UBASH3A: variants seen among roughly 807,000 people sequenced by gnomAD.
UBASH3A encodes the protein ubiquitin-associated and SH3 domain-containing protein A.
Under a neutral mutation model 73.5 loss-of-function variants are expected in UBASH3A, and 63 were observed. That is an observed-to-expected ratio of 0.86 (90% CI 0.70 to 1.06). The LOEUF (loss-of-function observed/expected upper bound fraction) is 1.06, where lower values mean the gene tolerates loss of function less well. UBASH3A is among the 50% of genes least tolerant of loss of function. The probability of loss-of-function intolerance (pLI) is 0.00; values close to 1 mark genes in which losing one functional copy is unlikely to be tolerated. For synonymous variants in UBASH3A, 363 were observed against 351.1 expected (o/e 1.03, Z -0.38); for missense variants, 860 against 859.0 (o/e 1.00, Z -0.02).
chr21:42,433,662 C>T (rs771516607), intron 9 of UBASH3A, among the ~76,000 whole-genome samples: 11 of 152,174 alleles, frequency 7.2e-5, no homozygotes, highest in Non-Finnish European at 1.2e-4. Flanking sequence ...ACTGCCTTTC[C>T]CAAGAGCTAA....
At chr21:42,434,312 C>T (rs1011668232) in intron 9 of UBASH3A, among the ~76,000 whole-genome samples, 4 of 151,420 alleles carry the variant, frequency 2.6e-5, no homozygotes, top group Admixed American at 6.6e-5. Flanking sequence ...AACCCTGGCA[C>T]CGGGCAGCCT....
chr21:42,421,427 A>C (rs2053336476), intron 7 of UBASH3A, among the ~76,000 whole-genome samples: 1 of 152,130 alleles, frequency 6.6e-6, no homozygotes, highest in South Asian at 2.1e-4. Context: ...AGGTCTTAAA[A>C]CCATTTTATA....
intron 7 of UBASH3A, 138 bp from the exon 8 acceptor site, chr21:42,426,559 C>T: frequency 1.1e-6 from 1 of 947,094 alleles, no homozygotes; most frequent in Non-Finnish European, 1.6e-6. Flanking sequence ...GCACACGCTA[C>T]TTCATTTTGT....
chr21:42,431,661 G>A (rs770852778), intron 8 of UBASH3A, among the ~76,000 whole-genome samples: 2 of 152,194 alleles, frequency 1.3e-5, no homozygotes, highest in Non-Finnish European at 2.9e-5. Flanking sequence ...TCAACACCAG[G>A]GCAGTCCTGG....
intron 8 of UBASH3A, among the ~76,000 whole-genome samples, chr21:42,427,685 G>A (rs994776624): frequency 1.3e-5 from 2 of 152,184 alleles, no homozygotes; most frequent in Admixed American, 1.3e-4. Context: ...TATGTGAGAT[G>A]GGCCATCCAG....
intron 11 of UBASH3A, among the ~76,000 whole-genome samples, chr21:42,440,890 T>G (rs1425462243): frequency 6.6e-6 from 1 of 152,278 alleles, no homozygotes; most frequent in Non-Finnish European, 1.5e-5. Context: ...ATCTTTTTTT[T>G]GTCATTGTTC....
chr21:42,420,540 TAC>T (rs1470527502), intron 7 of UBASH3A, among the ~76,000 whole-genome samples: 2 of 152,226 alleles, frequency 1.3e-5, no homozygotes, highest in Non-Finnish European at 2.9e-5. Flanking sequence ...TATATATGTA[TAC>T]ACACATCTAT....
In UBASH3A at chr21:42,413,587, C is replaced by A; in HGVS notation, c.667+64C>A. The A allele has an allele frequency of 8.1e-7, 1 of 1,241,228 alleles. No individual in the cohort carries two copies. Among genetic ancestry groups the A allele is most frequent in the Non-Finnish European group, 1.2e-6 (1 of 865,998 alleles). The allele number at this position is 1,241,228 out of a possible 1,614,324, so 76.9% of individuals were successfully genotyped here. A position where few individuals can be genotyped will look rare whatever the true frequency, so the allele number is the denominator to read the frequency against. ...CTCTTTAGGCGGGAATAGCCTTGTT[C>A]TCATTATGTGGTTTTTAAAATGCTT... On this transcript the variant is annotated intron_variant, in intron 5 of 14. Coordinates refer to ENST00000319294, the MANE Select transcript of UBASH3A (RefSeq NM_018961.4). This position sits in a 1 kb window ranked among gnomAD's most constrained non-coding sequence, Gnocchi z 4.5.
At chr21:42,443,939 CAGAG>C (rs1488981507) in intron 13 of UBASH3A, among the ~76,000 whole-genome samples, 1 of 152,188 alleles carries the variant, frequency 6.6e-6, no homozygotes. Context: ...ACAAAAGAGA[CAGAG>C]AGAGAAAGAA....
intron 7 of UBASH3A, among the ~76,000 whole-genome samples, chr21:42,421,736 G>A (rs184912577): frequency 6.6e-6 from 1 of 152,292 alleles, no homozygotes; most frequent in East Asian, 1.9e-4. Context: ...ATTGTCAGAG[G>A]CTATATGGAT....
intron 13 of UBASH3A, 24 bp downstream of exon 13, chr21:42,443,442 A>G: frequency 6.3e-7 from 1 of 1,578,710 alleles, no homozygotes; most frequent in Non-Finnish European, 8.6e-7. Flanking sequence ...CATCCTCAGT[A>G]TGAACAGCCC....
Position 42,403,912 on chromosome 21 carries a change from G to A in UBASH3A, c.-34G>A, listed in dbSNP as rs1479652012. The A allele has an allele frequency of 8.9e-6, 12 of 1,348,094 alleles. No individual in the cohort carries two copies. The highest frequency in any genetic ancestry group is 1.2e-5 in the Non-Finnish European group (12 of 1,007,002). 83.5% of individuals were successfully genotyped at this position (1,348,094 alleles called of 1,614,324 possible). A position where few individuals can be genotyped will look rare whatever the true frequency, so the allele number is the denominator to read the frequency against. On this transcript the variant is annotated 5_prime_UTR_variant, in exon 1 of 15. Coordinates refer to ENST00000319294, the MANE Select transcript of UBASH3A (RefSeq NM_018961.4). ...TTGCTTTATCTCCTCATTTCTGTGT[G>A]CAGGCGAGCTTCTTGGCCTAAGGGC...
Position 42,444,427 on chromosome 21 carries a change from C to T in UBASH3A, c.1739-107C>T, listed in dbSNP as rs2053810734. On this transcript the variant is annotated intron_variant, in intron 13 of 14. Coordinates refer to ENST00000319294, the MANE Select transcript of UBASH3A (RefSeq NM_018961.4). ...CTAGCCCGGGGGTCTCGCCAGGCTT[C>T]GGGGCACTCTGAGATAGCTCTGCCC... 2.7e-5 allele frequency: 22 copies of T among 827,058 alleles called. 1 individual carries two copies. Among genetic ancestry groups the T allele is most frequent in the South Asian group, 2.4e-4 (17 of 70,900 alleles). 51.2% of individuals were successfully genotyped at this position (827,058 alleles called of 1,614,324 possible).
At position 42,443,531 on chromosome 21, in the gene UBASH3A, GC is replaced by G. The variant is rs1330329807; in HGVS notation, c.1738+118del. The G allele has an allele frequency of 9.5e-6, 8 of 840,240 alleles. No homozygotes were observed. In the East Asian group the frequency reaches 1.8e-4, roughly 19 times the overall value. The allele number at this position is 840,240 out of a possible 1,614,324, so 52.0% of individuals were successfully genotyped here. A position where few individuals can be genotyped will look rare whatever the true frequency, so the allele number is the denominator to read the frequency against. ...ATGAATGCCCCTACTTCTCCTGCCT[GC>G]CCCCGCCCCCATTCTCCAGCAACAA... On this transcript the variant is annotated intron_variant, in intron 13 of 14. Coordinates refer to ENST00000319294, the MANE Select transcript of UBASH3A (RefSeq NM_018961.4).
Position 42,434,889 on chromosome 21 carries a change from G to A in UBASH3A, c.1328G>A (p.Gly443Glu). The A allele has an allele frequency of 6.2e-7, 1 of 1,614,186 alleles. No homozygotes were observed. Among genetic ancestry groups the A allele is most frequent in the Non-Finnish European group, 8.5e-7 (1 of 1,180,038 alleles). The stretch of plus-strand genomic sequence containing the variant: ...TGCAGTCTGCCAAGACGGAGTCGTG[G>A]GATCAAAGACTTTGAAAACGATCCC... ...FPCSLPRRSR[G>E]IKDFENDPPL... The change falls in exon 10 of 15, where the codon GGG becomes GAG. Residue 443 changes from glycine to glutamate, a missense_variant. By Grantham distance (98) the Gly-to-Glu change is moderately conservative. Coordinates refer to ENST00000319294, the MANE Select transcript of UBASH3A (RefSeq NM_018961.4).
In UBASH3A at chr21:42,413,571, C is replaced by T. The variant is rs77541780; in HGVS notation, c.667+48C>T. The T allele has an allele frequency of 3.0e-3, 4,103 of 1,351,008 alleles. 108 individuals are homozygous for T. In the African/African-American group the frequency reaches 0.052, roughly 17 times the overall value. The allele number at this position is 1,351,008 out of a possible 1,614,324, so 83.7% of individuals were successfully genotyped here. On this transcript the variant is annotated intron_variant, in intron 5 of 14. Transcript: ENST00000319294. The surrounding 1 kb of genome is among the most constrained non-coding windows in gnomAD (Gnocchi z 4.5). ...GACCAGCTTTGGTCTTCTCTTTAGG[C>T]GGGAATAGCCTTGTTCTCATTATGT...
chr21:42,423,215 T>C (rs1361881977), intron 7 of UBASH3A, among the ~76,000 whole-genome samples: 1 of 152,200 alleles, frequency 6.6e-6, no homozygotes, highest in African/African-American at 2.4e-5. Flanking sequence ...CCAACAGTCA[T>C]GGCCATCCCA....
chr21:42,417,815 A>C (rs2053245442), intron 6 of UBASH3A, among the ~76,000 whole-genome samples: 5 of 151,636 alleles, frequency 3.3e-5, no homozygotes. Context: ...TAGACAAAAA[A>C]GTACCTAGAT....
rs112981469 is a variant in UBASH3A, at chr21:42,418,751, G to A, written c.1046+142G>A. The stretch of plus-strand genomic sequence containing the variant: ...TATGCTGACAAAATTATTCCTGCAG[G>A]TATATAGTAAACATCTTGGTTCGTC... On this transcript the variant is annotated intron_variant, in intron 7 of 14. Coordinates refer to ENST00000319294, the MANE Select transcript of UBASH3A (RefSeq NM_018961.4). The A allele has an allele frequency of 5.2e-3, 3,858 of 746,430 alleles. 107 individuals are homozygous for A. In the African/African-American group the frequency reaches 0.058, roughly 11 times the overall value. The allele number at this position is 746,430 out of a possible 1,614,324, so 46.2% of individuals were successfully genotyped here. A position where few individuals can be genotyped will look rare whatever the true frequency, so the allele number is the denominator to read the frequency against.
Sources: gnomAD v4.1 joint callset for allele counts (sites outside exome capture counted in the v4.1 genomes callset) on GRCh38, gnomAD v4.1.1 for gene constraint, Gnocchi (gnomAD v3.1) non-coding constraint, MANE v1.5 for transcripts, NCBI Gene and HGNC (gene_info 2026-07-23, HGNC 2026-07-21) for gene names.